Variants in SLC25A27 observed in about 807,000 individuals in gnomAD.
SLC25A27 encodes mitochondrial uncoupling protein 4.
Under a neutral mutation model 49.1 loss-of-function variants are expected in SLC25A27, and 35 were observed. The observed-to-expected ratio is 0.71, with a 90% CI of 0.54 to 0.95. The LOEUF (loss-of-function observed/expected upper bound fraction) is 0.95, where lower values mean the gene tolerates loss of function less well. SLC25A27 is among the 40% of genes least tolerant of loss of function. The pLI is 0.00. For missense variants in SLC25A27, 339 were observed against 397.1 expected (o/e 0.85, Z 1.24); for synonymous variants, 144 against 136.9 (o/e 1.05, Z -0.36).
chr6:46,677,927 A>G lies in SLC25A27; in HGVS notation c.*1473A>G, dbSNP rs1337617642. The G allele has an allele frequency of 1.3e-5, 2 of 151,900 alleles. No homozygotes were observed. The highest frequency in any genetic ancestry group is 4.9e-5 in the African/African-American group (2 of 41,182). The allele number at this position is 151,900 out of a possible 1,614,324, so 9.4% of individuals were successfully genotyped here. ...GTCATGTACTGATATGCAGTAGCTT[A>G]TTGTTTTTCTAGTTGCAGAGAATGT... On this transcript the variant is annotated 3_prime_UTR_variant, in exon 9 of 9. Coordinates refer to ENST00000371347, the MANE Select transcript of SLC25A27 (RefSeq NM_004277.5).
At position 46,664,826 on chromosome 6, in the gene SLC25A27, C is replaced by T. The variant is rs1763271916; in HGVS notation, c.559C>T (p.Arg187Ter). The change falls in exon 5 of 9, where the codon CGA (arginine) becomes TGA (stop). Residue 187 changes from arginine to a stop codon, truncating the protein, a stop_gained. Coordinates refer to ENST00000371347, the MANE Select transcript of SLC25A27 (RefSeq NM_004277.5). LOFTEE classifies it high-confidence loss of function. ...FAKILAEGGI[R>*]GLWAGWVPNI... is the part of the protein sequence containing the mutation. ...AAAAATCTTAGCTGAAGGAGGAATA[C>T]GAGGGCTTTGGGCAGGCTGGGTACC... 3.7e-6 allele frequency: 6 copies of T among 1,608,908 alleles called. No individual in the cohort carries two copies. The highest frequency in any genetic ancestry group is 1.7e-4 in the Middle Eastern group (1 of 6,044).
chr6:46,653,230 T>C lies in SLC25A27; in HGVS notation c.38T>C (p.Leu13Pro). Residue 13 changes from leucine to proline, a missense_variant, in exon 1 of 9, where the codon CTG becomes CCG. Physicochemically the swap from Leu to Pro is moderately conservative, Grantham distance 98. Transcript: ENST00000371347. ...GAGGAGGAGGAGAGGCTTTTGCCGC[T>C]GACCCAGAGATGGCCCCGAGCGAGC... is the stretch of plus-strand genomic sequence containing the variant. ...VPEEEERLLP[L>P]TQRWPRASKF... The C allele has an allele frequency of 6.2e-7, 1 of 1,613,720 alleles. No individual in the cohort carries two copies. The highest frequency in any genetic ancestry group is 8.5e-7 in the Non-Finnish European group (1 of 1,179,764).
Position 46,656,035 on chromosome 6 carries a change from GTATTTA to G in SLC25A27, c.298+3_298+8del. 1 of 1,598,394 alleles carries G rather than the reference GTATTTA, an allele frequency of 6.3e-7. No individual in the cohort carries two copies. The highest frequency in any genetic ancestry group is 8.5e-7 in the Non-Finnish European group (1 of 1,173,326). On this transcript the variant is annotated splice_donor_variant and splice_donor_5th_base_variant and intron_variant, in intron 2 of 8. Coordinates refer to ENST00000371347, the MANE Select transcript of SLC25A27 (RefSeq NM_004277.5). LOFTEE classifies it high-confidence loss of function. ...ACACCCGCCATTTACAGACACGTAG[GTATTTA>G]TCTTGATTCTAGCTGGTAAGTTTGT...
At chr6:46,656,948 T>C (rs1316280060) in intron 2 of SLC25A27, among the ~76,000 whole-genome samples, 1 of 152,298 alleles carries the variant, frequency 6.6e-6, no homozygotes, top group Admixed American at 6.5e-5. Context: ...GGATAATTGC[T>C]TGAGCCCAGG....
intron 4 of SLC25A27, among the ~76,000 whole-genome samples, chr6:46,662,928 A>G (rs1328751615): frequency 6.6e-6 from 1 of 152,180 alleles, no homozygotes; most frequent in African/African-American, 2.4e-5. Flanking sequence ...CTGACTGCTC[A>G]TTAGTGTGAA....
intron 5 of SLC25A27, 144 bp from the exon 6 acceptor site, chr6:46,668,565 T>C (rs1763399536): frequency 3.5e-6 from 2 of 570,748 alleles, no homozygotes; most frequent in East Asian, 5.6e-5. Context: ...TCCCTCTATC[T>C]GTAGCTGTGC....
intron 8 of SLC25A27, among the ~76,000 whole-genome samples, chr6:46,671,810 A>T (rs1472562192): frequency 6.6e-6 from 1 of 152,004 alleles, no homozygotes; most frequent in Admixed American, 6.6e-5. Context: ...ATAATGTAGA[A>T]TTAGATAGAC....
In SLC25A27 at chr6:46,653,212, A is replaced by AGGT. The variant is rs756208066; in HGVS notation, c.22_23insTGG (p.Glu7_Glu8insVal). 6.2e-7 allele frequency: 1 copy of AGGT among 1,613,582 alleles called. No homozygotes were observed. Among genetic ancestry groups the AGGT allele is most frequent in the Non-Finnish European group, 8.5e-7 (1 of 1,179,708 alleles). ...TGCTGAATGTCCGTCCCGGAGGAGG[A>AGGT]GGAGAGGCTTTTGCCGCTGACCCAG... is the stretch of plus-strand genomic sequence containing the variant. On this transcript the variant is annotated inframe_insertion, in exon 1 of 9. Transcript: ENST00000371347.
Position 46,653,098 on chromosome 6 carries a change from T to G in SLC25A27, c.-95T>G. The G allele has an allele frequency of 6.6e-6, 8 of 1,213,642 alleles. No homozygotes were observed. Among genetic ancestry groups the G allele is most frequent in the Non-Finnish European group, 9.5e-6 (8 of 842,820 alleles). 75.2% of individuals were successfully genotyped at this position (1,213,642 alleles called of 1,614,324 possible). ...TGGTCCTCACCCGGCCACTCGCCGGTTGAAAAGGGGCCGCCCTGGCAGGGA... is the reference window on the plus strand; with the variant it reads ...TGGTCCTCACCCGGCCACTCGCCGGGTGAAAAGGGGCCGCCCTGGCAGGGA... On this transcript the variant is annotated 5_prime_UTR_variant, in exon 1 of 9. Coordinates refer to ENST00000371347, the MANE Select transcript of SLC25A27 (RefSeq NM_004277.5).
chr6:46,665,363 C>T (rs1370447835), intron 5 of SLC25A27, among the ~76,000 whole-genome samples: 3 of 152,118 alleles, frequency 2.0e-5, no homozygotes, highest in African/African-American at 7.2e-5. Flanking sequence ...ATTCACATAC[C>T]AATTCTGTCT....
rs541018088 is a variant in SLC25A27, at chr6:46,653,149, G to C, written c.-44G>C. 1.3e-6 allele frequency: 2 copies of C among 1,566,912 alleles called. No individual in the cohort carries two copies. Among genetic ancestry groups the C allele is most frequent in the South Asian group, 1.1e-5 (1 of 88,414 alleles). The stretch of plus-strand genomic sequence containing the variant: ...AGCGGCCGCCGCGGCGCGGTGCAGC[G>C]CAGCGGCGAGAAGGAGTGCGTTATC... On this transcript the variant is annotated 5_prime_UTR_variant, in exon 1 of 9. Transcript: ENST00000371347.
chr6:46,675,597 T>C (rs1763746735), intron 8 of SLC25A27, among the ~76,000 whole-genome samples: 1 of 152,220 alleles, frequency 6.6e-6, no homozygotes, highest in Non-Finnish European at 1.5e-5. Flanking sequence ...TACTCTAGAA[T>C]GATAGAGCTA....
At chr6:46,655,753 G>C (rs1045031610) in intron 1 of SLC25A27, 90 bp from the exon 2 acceptor site, 1 of 1,108,350 alleles carries the variant, frequency 9.0e-7, no homozygotes, top group East Asian at 2.5e-5. Context: ...AGAACAACCA[G>C]TCTTGGGAAA....
intron 2 of SLC25A27, 32 bp from the exon 3 acceptor site, chr6:46,658,930 A>C (rs1387905818): frequency 1.3e-6 from 2 of 1,491,626 alleles, no homozygotes; most frequent in Non-Finnish European, 1.9e-6. Flanking sequence ...CATATAGCCA[A>C]AGTTACCTTT....
chr6:46,676,812 G>A lies in SLC25A27; in HGVS notation c.*358G>A. ...GAGGAGGAGTACCAGGAGGGAGCCA[G>A]CATTTCAGATCTGAAGTAGACGATA... On this transcript the variant is annotated 3_prime_UTR_variant, in exon 9 of 9. Coordinates refer to ENST00000371347, the MANE Select transcript of SLC25A27 (RefSeq NM_004277.5). The A allele has an allele frequency of 1.3e-6, 1 of 794,276 alleles. No homozygotes were observed. The highest frequency in any genetic ancestry group is 2.1e-6 in the Non-Finnish European group (1 of 472,272). The allele number at this position is 794,276 out of a possible 1,614,324, so 49.2% of individuals were successfully genotyped here.
chr6:46,668,601 T>G (rs979878250), intron 5 of SLC25A27, 108 bp from the exon 6 acceptor site: 2 of 667,752 alleles, frequency 3.0e-6, no homozygotes, highest in Non-Finnish European at 5.5e-6. Context: ...GAAGGATTCC[T>G]TGGTAGCTTT....
Position 46,653,139 on chromosome 6 carries a change from G to C in SLC25A27, c.-54G>C, listed in dbSNP as rs961697584. 19 of 1,538,080 alleles carry C rather than the reference G, an allele frequency of 1.2e-5. No homozygotes were observed. The highest frequency in any genetic ancestry group is 8.0e-5 in the South Asian group (7 of 87,286). On this transcript the variant is annotated 5_prime_UTR_variant, in exon 1 of 9. Transcript: ENST00000371347. Reference sequence around the variant, plus strand: ...CTGGCAGGGAAGCGGCCGCCGCGGCGCGGTGCAGCGCAGCGGCGAGAAGGA... The same window carrying C: ...CTGGCAGGGAAGCGGCCGCCGCGGCCCGGTGCAGCGCAGCGGCGAGAAGGA...
chr6:46,656,573 T>G (rs1022003359), intron 2 of SLC25A27, among the ~76,000 whole-genome samples: 11 of 152,016 alleles, frequency 7.2e-5, no homozygotes, highest in African/African-American at 2.7e-4. Context: ...CTCAAACTCT[T>G]GACCTTGTGA....
intron 8 of SLC25A27, among the ~76,000 whole-genome samples, chr6:46,673,992 G>C (rs1192393731): frequency 6.6e-6 from 1 of 152,102 alleles, no homozygotes; most frequent in East Asian, 1.9e-4. Flanking sequence ...ATATGTAGAA[G>C]GTGAGGGACA....
Sources: gnomAD v4.1 joint callset for allele counts (sites outside exome capture counted in the v4.1 genomes callset) on GRCh38, gnomAD v4.1.1 for gene constraint, MANE v1.5 for transcripts, NCBI Gene and HGNC (gene_info 2026-07-23, HGNC 2026-07-21) for gene names.